Variants in ZRANB2 observed in about 807,000 individuals in gnomAD.
ZRANB2 encodes zinc finger Ran-binding domain-containing protein 2.
A neutral mutation model predicts 53.4 loss-of-function variants in ZRANB2; 19 were observed. That is an observed-to-expected ratio of 0.36 (90% CI 0.25 to 0.52). ZRANB2 has a LOEUF of 0.52. Among genes scored for constraint, ZRANB2 ranks in the 20% least tolerant of loss-of-function variants. ZRANB2 has a pLI of 0.93. For synonymous variants in ZRANB2, 145 were observed against 134.8 expected (o/e 1.08, Z -0.52); for missense variants, 309 against 401.1 (o/e 0.77, Z 1.96).
At position 71,063,640 on chromosome 1, in the gene ZRANB2, C is replaced by T. The variant is rs1661355013; in HGVS notation, c.*1434G>A. On this transcript the variant is annotated 3_prime_UTR_variant, in exon 10 of 10. Transcript: ENST00000370920. ...AGTTCTTGTGCAACCTACATAAACG[C>T]AGCAAAGAAACTTAAGACATAAAAA... 1 of 152,290 alleles carries T rather than the reference C, an allele frequency of 6.6e-6. No individual in the cohort carries two copies. Among genetic ancestry groups the T allele is most frequent in the African/African-American group, 2.4e-5 (1 of 41,382 alleles). 9.4% of individuals were successfully genotyped at this position (152,290 alleles called of 1,614,324 possible).
intron 8 of ZRANB2, chr1:71,067,653 C>T (rs1241044041): frequency 6.9e-6 from 3 of 436,694 alleles, no homozygotes; most frequent in Non-Finnish European, 1.4e-5. Flanking sequence ...CCAAAAAATT[C>T]ACCTTTGGGC....
intron 8 of ZRANB2, chr1:71,067,780 A>G (rs1050982222): frequency 1.4e-4 from 54 of 378,366 alleles, no homozygotes; most frequent in Admixed American, 1.0e-4. Flanking sequence ...ATGGTTCCCA[A>G]AGGGAATACC....
intron 3 of ZRANB2, among the ~76,000 whole-genome samples, chr1:71,077,818 T>A (rs945075161): frequency 6.6e-6 from 1 of 152,178 alleles, no homozygotes; most frequent in South Asian, 2.1e-4. Flanking sequence ...ATCGCCCCAC[T>A]GCACTCCAGC....
intron 3 of ZRANB2, among the ~76,000 whole-genome samples, chr1:71,077,692 A>G (rs1400943072): frequency 6.6e-6 from 1 of 152,084 alleles, no homozygotes; most frequent in Non-Finnish European, 1.5e-5. Context: ...TGTCTCTACC[A>G]AAAATATAAA....
chr1:71,071,379 C>T (rs1010975526), intron 6 of ZRANB2, among the ~76,000 whole-genome samples: 6 of 152,162 alleles, frequency 3.9e-5, no homozygotes, highest in African/African-American at 1.2e-4. Flanking sequence ...TCCATTCTGC[C>T]TCTCTAGTAT....
At chr1:71,076,718 C>A (rs1477354669) in intron 4 of ZRANB2, 77 bp downstream of exon 4, 4 of 1,096,626 alleles carry the variant, frequency 3.6e-6, no homozygotes, top group South Asian at 2.7e-5. Flanking sequence ...GGCTCTTACT[C>A]GAAGGTGATA....
At chr1:71,073,832 G>GTAAGT (rs1037894179) in intron 4 of ZRANB2, among the ~76,000 whole-genome samples, 1 of 151,406 alleles carries the variant, frequency 6.6e-6, no homozygotes, top group African/African-American at 2.4e-5. Context: ...AAAGACATTG[G>GTAAGT]TATGTTCTAT....
intron 8 of ZRANB2, chr1:71,067,747 G>C: frequency 2.5e-6 from 1 of 406,110 alleles, no homozygotes; most frequent in Non-Finnish European, 4.9e-6. Context: ...AATATGATGG[G>C]TGTTCTGTAA....
Position 71,064,980 on chromosome 1 carries a change from G to T in ZRANB2, c.*94C>A. The stretch of plus-strand genomic sequence containing the variant: ...TGAAAGGCATGCACCTCTACTAGCA[G>T]ATTTAGCACTTCTGACCAAGTAAGA... On this transcript the variant is annotated 3_prime_UTR_variant, in exon 10 of 10. Transcript: ENST00000370920. 1.3e-6 allele frequency: 1 copy of T among 779,662 alleles called. No individual in the cohort carries two copies. The highest frequency in any genetic ancestry group is 2.1e-6 in the Non-Finnish European group (1 of 475,742). 48.3% of individuals were successfully genotyped at this position (779,662 alleles called of 1,614,324 possible). A position where few individuals can be genotyped will look rare whatever the true frequency, so the allele number is the denominator to read the frequency against.
chr1:71,071,051 A>G, intron 6 of ZRANB2, 55 bp from the exon 7 acceptor site: 1 of 1,446,116 alleles, frequency 6.9e-7, no homozygotes, highest in Non-Finnish European at 9.1e-7. Flanking sequence ...ACCTACCAGG[A>G]AAGATAAAAC....
intron 6 of ZRANB2, 27 bp downstream of exon 6, chr1:71,072,094 G>T: frequency 6.3e-7 from 1 of 1,597,614 alleles, no homozygotes. Flanking sequence ...TAAGACAAAA[G>T]GGAAATAGGA....
At chr1:71,080,271 A>G (rs1286679518) in intron 1 of ZRANB2, among the ~76,000 whole-genome samples, 1 of 152,206 alleles carries the variant, frequency 6.6e-6, no homozygotes, top group Non-Finnish European at 1.5e-5. Flanking sequence ...GTCAAAAAGC[A>G]GAGCCACTAA....
intron 1 of ZRANB2, among the ~76,000 whole-genome samples, chr1:71,080,630 C>T (rs554216202): frequency 7.5e-6 from 1 of 133,990 alleles, no homozygotes; most frequent in Non-Finnish European, 1.5e-5. Flanking sequence ...GGTTTCCTAT[C>T]GCTAAAACCT....
rs185334798 is a variant in ZRANB2 at position 71,076,737 on chromosome 1, G to A, written c.301+58C>T. 69 of 1,261,474 alleles carry A rather than the reference G, an allele frequency of 5.5e-5. No homozygotes were observed. The African/African-American group carries it at 6.7e-4, about 12-fold the overall frequency. 78.1% of individuals were successfully genotyped at this position (1,261,474 alleles called of 1,614,324 possible). ...CTTACTCGAAGGTGATACAATTATC[G>A]TTTCAATATTTAGTGCTTTAAAAAA... On this transcript the variant is annotated intron_variant, in intron 4 of 9. Transcript: ENST00000370920.
intron 3 of ZRANB2, among the ~76,000 whole-genome samples, chr1:71,077,925 T>A (rs967673793): frequency 1.3e-5 from 2 of 152,182 alleles, no homozygotes; most frequent in Admixed American, 6.5e-5. Context: ...ACCTCTTTCA[T>A]ACACATAGGA....
intron 4 of ZRANB2, among the ~76,000 whole-genome samples, chr1:71,074,958 C>G (rs1054070855): frequency 6.6e-6 from 1 of 152,088 alleles, no homozygotes; most frequent in African/African-American, 2.4e-5. Flanking sequence ...GAGAAAGGTT[C>G]AAGACACCAG....
intron 4 of ZRANB2, among the ~76,000 whole-genome samples, chr1:71,074,640 C>T (rs766057382): frequency 2.5e-4 from 38 of 150,494 alleles, no homozygotes; most frequent in Admixed American, 2.0e-4. Context: ...TGTTTTTATG[C>T]CATTATCTTT....
intron 4 of ZRANB2, 119 bp from the exon 5 acceptor site, chr1:71,072,667 A>C: frequency 3.0e-6 from 2 of 676,656 alleles, no homozygotes; most frequent in Non-Finnish European, 5.0e-6. Context: ...CTACCCATCT[A>C]ATAAATTACT....
At chr1:71,080,140 G>A (rs1234607838) in intron 1 of ZRANB2, among the ~76,000 whole-genome samples, 3 of 152,152 alleles carry the variant, frequency 2.0e-5, no homozygotes, top group Admixed American at 6.5e-5. Context: ...AGGCTTTTAT[G>A]TGAACATGAG....
Sources: allele counts gnomAD v4.1 joint callset (sites outside exome capture counted in the v4.1 genomes callset), GRCh38; gene constraint gnomAD v4.1.1; transcripts MANE v1.5; gene names NCBI Gene and HGNC (gene_info 2026-07-23, HGNC 2026-07-21).